CDCA7L: variants seen among roughly 807,000 people sequenced by gnomAD.
The protein encoded by CDCA7L is cell division cycle associated 7 like, also known as cell division cycle-associated 7-like protein.
Under a neutral mutation model 57.4 loss-of-function variants are expected in CDCA7L, and 44 were observed. The ratio of observed to expected loss-of-function variants is 0.77; its 90% CI spans 0.60 to 0.98. The LOEUF is 0.98. CDCA7L is among the 50% of genes least tolerant of loss of function. The pLI, the probability that CDCA7L is intolerant of heterozygous loss-of-function variation, is 0.00. For synonymous variants in CDCA7L, 236 were observed against 202.8 expected (o/e 1.16, Z -1.39); for missense variants, 644 against 580.6 (o/e 1.11, Z -1.12).
intron 8 of CDCA7L, 98 bp downstream of exon 8, chr7:21,904,012 G>A (rs1349276424): frequency 8.6e-7 from 1 of 1,164,518 alleles, no homozygotes; most frequent in African/African-American, 1.6e-5. Context: ...CCAGAGTTCT[G>A]GAGCTCCCTA....
intron 1 of CDCA7L, among the ~76,000 whole-genome samples, chr7:21,934,146 T>C (rs1171288264): frequency 6.6e-6 from 1 of 152,116 alleles, no homozygotes; most frequent in Non-Finnish European, 1.5e-5. Flanking sequence ...CATGGACAAA[T>C]ATAAAAACTA....
chr7:21,905,729 T>C, intron 6 of CDCA7L, 98 bp from the exon 7 acceptor site: 1 of 1,296,318 alleles, frequency 7.7e-7, no homozygotes, highest in Non-Finnish European at 1.0e-6. Flanking sequence ...CCATTAATGT[T>C]AACCCCGTCC....
Position 21,902,133 on chromosome 7 carries a change from C to A in CDCA7L, c.*189G>T, listed in dbSNP as rs1394508769. 6.3e-6 allele frequency: 4 copies of A among 635,164 alleles called. No individual in the cohort carries two copies. In the South Asian group the frequency reaches 7.7e-5, roughly 12 times the overall value. The allele number at this position is 635,164 out of a possible 1,614,324, so 39.3% of individuals were successfully genotyped here. On this transcript the variant is annotated 3_prime_UTR_variant, in exon 10 of 10. Transcript: ENST00000406877. ...GTCTGTGCATACATCTATATAGATT[C>A]CTCTGCTCTGCTGTCTTCCTGAGAA...
chr7:21,914,566 T>C (rs1162691621), intron 2 of CDCA7L, among the ~76,000 whole-genome samples: 5 of 152,124 alleles, frequency 3.3e-5, no homozygotes, highest in Non-Finnish European at 7.4e-5. Context: ...CATGGACCAG[T>C]GGGCAGAAAG....
intron 1 of CDCA7L, among the ~76,000 whole-genome samples, chr7:21,935,565 A>C (rs1311178717): frequency 1.4e-5 from 2 of 147,584 alleles, no homozygotes; most frequent in Admixed American, 7.0e-5. Flanking sequence ...ATAGAATAAG[A>C]GAAAAATCAA....
At chr7:21,934,155 T>C (rs1298745075) in intron 1 of CDCA7L, among the ~76,000 whole-genome samples, 5 of 152,182 alleles carry the variant, frequency 3.3e-5, no homozygotes, top group African/African-American at 4.8e-5. Flanking sequence ...ATATAAAAAC[T>C]AGAGTATTAT....
chr7:21,903,513 G>C (rs1785015720), intron 8 of CDCA7L, among the ~76,000 whole-genome samples: 1 of 152,102 alleles, frequency 6.6e-6, no homozygotes, highest in South Asian at 2.1e-4. Flanking sequence ...CTGAGCAGCA[G>C]TTTGTTTGTC....
chr7:21,911,476 T>A, intron 3 of CDCA7L, 141 bp downstream of exon 3: 3 of 1,022,406 alleles, frequency 2.9e-6, no homozygotes, highest in Non-Finnish European at 4.1e-6. Flanking sequence ...GAGCAATTTT[T>A]TTAGGTTATG....
Position 21,902,325 on chromosome 7 carries a change from A to ATTGTCTTCTACCAGCTCCTTTTGT in CDCA7L, c.1338_1361dup (p.Asp453_Asn454insLysGlnLysGluLeuValGluAsp). 1 of 1,613,782 alleles carries ATTGTCTTCTACCAGCTCCTTTTGT rather than the reference A, an allele frequency of 6.2e-7. No homozygotes were observed. The highest frequency in any genetic ancestry group is 8.5e-7 in the Non-Finnish European group (1 of 1,179,718). On this transcript the variant is annotated inframe_insertion, in exon 10 of 10. Transcript: ENST00000406877. ...GCTGGTTCTGTTTGTTTTCCTCTTA[A>ATTGTCTTCTACCAGCTCCTTTTGT]TTGTCTTCTACCAGCTCCTTTTGTA...
At chr7:21,926,687 A>C (rs144848904) in intron 1 of CDCA7L, among the ~76,000 whole-genome samples, 3 of 148,232 alleles carry the variant, frequency 2.0e-5, no homozygotes, top group Non-Finnish European at 4.5e-5. Flanking sequence ...TGGGCAATGT[A>C]GCAAGACCCC....
chr7:21,929,252 T>C (rs2128066679), intron 1 of CDCA7L, among the ~76,000 whole-genome samples: 1 of 152,240 alleles, frequency 6.6e-6, no homozygotes, highest in East Asian at 1.9e-4. Flanking sequence ...GACAAGCAAA[T>C]GCTGAGAGAT....
At chr7:21,902,705 T>G (rs1784966878) in intron 9 of CDCA7L, 1 of 487,116 alleles carries the variant, frequency 2.1e-6, no homozygotes, top group East Asian at 3.4e-5. Flanking sequence ...TGTTTGTTTG[T>G]TCCTTCCATT....
Position 21,902,364 on chromosome 7 carries a change from A to T in CDCA7L, c.1335-12T>A. The T allele has an allele frequency of 6.2e-7, 1 of 1,612,722 alleles. No homozygotes were observed. The highest frequency in any genetic ancestry group is 8.5e-7 in the Non-Finnish European group (1 of 1,179,546). ...GCTCCTTTTGTAAGCTGGGAAAAAG[A>T]TGAGAAGTATTTGGTAAAGTAGTAC... is the stretch of plus-strand genomic sequence containing the variant. On this transcript the variant is annotated splice_polypyrimidine_tract_variant and intron_variant, in intron 9 of 9. Coordinates refer to ENST00000406877, the MANE Select transcript of CDCA7L (RefSeq NM_018719.5).
chr7:21,901,017 G>C lies in CDCA7L; in HGVS notation c.*1305C>G. On this transcript the variant is annotated 3_prime_UTR_variant, in exon 10 of 10. Coordinates refer to ENST00000406877, the MANE Select transcript of CDCA7L (RefSeq NM_018719.5). ...GTGTTTTTGCCATAGGCGCCCGCTG[G>C]GACACCCAAGCAGGAACCATTGTTG... is the stretch of plus-strand genomic sequence containing the variant. 6.3e-7 allele frequency: 1 copy of C among 1,593,180 alleles called. No homozygotes were observed.
intron 1 of CDCA7L, among the ~76,000 whole-genome samples, chr7:21,923,894 T>C (rs978831322): frequency 6.6e-6 from 1 of 152,248 alleles, no homozygotes; most frequent in Non-Finnish European, 1.5e-5. Flanking sequence ...CTTTCAGGCA[T>C]ACAAAGCAGT....
intron 1 of CDCA7L, among the ~76,000 whole-genome samples, chr7:21,928,096 G>T (rs1183205201): frequency 6.6e-6 from 1 of 152,162 alleles, no homozygotes; most frequent in African/African-American, 2.4e-5. Context: ...TGCCCCTCTG[G>T]GATGAAGCTT....
chr7:21,933,475 A>G (rs994976181), intron 1 of CDCA7L, among the ~76,000 whole-genome samples: 6 of 152,216 alleles, frequency 3.9e-5, no homozygotes, highest in Non-Finnish European at 8.8e-5. Context: ...CAGCCATAAA[A>G]AAGGATGTGT....
At chr7:21,932,394 T>C (rs772619676) in intron 1 of CDCA7L, among the ~76,000 whole-genome samples, 27 of 152,298 alleles carry the variant, frequency 1.8e-4, no homozygotes, top group Non-Finnish European at 2.9e-4. Context: ...CTACCTGATT[T>C]CAATCTATAC....
chr7:21,906,680 G>T, intron 4 of CDCA7L, 41 bp from the exon 5 acceptor site: 1 of 1,601,516 alleles, frequency 6.2e-7, no homozygotes, highest in Non-Finnish European at 8.5e-7. Context: ...CAAAAATAGG[G>T]CTCCAGGTTT....
Sources: allele counts gnomAD v4.1 joint callset (sites outside exome capture counted in the v4.1 genomes callset), GRCh38; gene constraint gnomAD v4.1.1; transcripts MANE v1.5; gene names NCBI Gene and HGNC (gene_info 2026-07-23, HGNC 2026-07-21).